PTPRT: variants seen among roughly 807,000 people sequenced by gnomAD.
PTPRT encodes the protein protein tyrosine phosphatase receptor type T.
A neutral mutation model predicts 176.8 loss-of-function variants in PTPRT; 56 were observed. That is an observed-to-expected ratio of 0.32 (90% CI 0.26 to 0.40). PTPRT has a LOEUF of 0.40. Among genes scored for constraint, PTPRT ranks in the 10% least tolerant of loss-of-function variants. PTPRT has a pLI of 1.00. For missense variants in PTPRT, 1,540 were observed against 1,908.2 expected (o/e 0.81, Z 3.60); for synonymous variants, 783 against 739.0 (o/e 1.06, Z -0.96).
chr20:43,016,100 T>A (rs958086126), intron 1 of PTPRT, among the ~76,000 whole-genome samples: 8 of 152,070 alleles, frequency 5.3e-5, no homozygotes, highest in Admixed American at 2.0e-4. Context: ...CCTGCCCCCT[T>A]CACTCATAGG....
rs533141928 is a variant in PTPRT at position 42,851,498 on chromosome 20, G to A, written c.214+34309C>T. Among the ~76,000 whole-genome samples the A allele has an allele frequency of 3.3e-5, 5 of 151,832 alleles. No homozygotes were observed. In the South Asian group the frequency reaches 1.0e-3, roughly 32 times the overall value. On this transcript the variant is annotated intron_variant, in intron 2 of 30. Transcript: ENST00000373187. ...TTATAATACCTCCCTGCCTACCTGG[G>A]GTATTCCTTTTACTCTCAAAAATGT...
At chr20:43,062,080 G>A (rs1174685208) in intron 1 of PTPRT, among the ~76,000 whole-genome samples, 1 of 152,194 alleles carries the variant, frequency 6.6e-6, no homozygotes, top group Non-Finnish European at 1.5e-5. Flanking sequence ...CTGGTTGCCT[G>A]GGGCTTAGGG....
chr20:42,086,262 G>A (rs555905429), intron 27 of PTPRT, among the ~76,000 whole-genome samples: 8 of 152,190 alleles, frequency 5.3e-5, no homozygotes, highest in African/African-American at 1.9e-4. Flanking sequence ...TTTTATGGCT[G>A]GAAGGACACA....
Position 42,128,778 on chromosome 20 carries a change from G to A in PTPRT, c.2823C>T (p.Asp941=). ...LLVLDGDPHS[D]YINANYIDGY... is the part of the protein sequence containing the mutation. ...CGTCAATGTAGTTGGCATTGATGTA[G>A]TCAGAGTGCGGGTCTCCATCCAGCA... Residue 941 remains aspartate, a synonymous_variant, in exon 19 of 31, where the codon GAC becomes GAT. Transcript: ENST00000373187. 2 of 1,606,250 alleles carry A rather than the reference G, an allele frequency of 1.2e-6. No individual in the cohort carries two copies. Among genetic ancestry groups the A allele is most frequent in the Non-Finnish European group, 1.7e-6 (2 of 1,175,590 alleles).
At chr20:42,156,499 C>A (rs1989361573) in intron 17 of PTPRT, among the ~76,000 whole-genome samples, 1 of 152,230 alleles carries the variant, frequency 6.6e-6, no homozygotes. Flanking sequence ...TTCTCTCCAG[C>A]CCAGGCTTCT....
intron 6 of PTPRT, among the ~76,000 whole-genome samples, chr20:42,698,022 C>A (rs971987122): frequency 6.6e-6 from 1 of 152,148 alleles, no homozygotes; most frequent in Non-Finnish European, 1.5e-5. Context: ...GATCTCTAAT[C>A]GTATCATTCC....
intron 1 of PTPRT, chr20:42,969,677 A>G (rs2146059534): frequency 6.6e-6 from 1 of 152,268 alleles, no homozygotes; most frequent in Non-Finnish European, 1.5e-5. Context: ...TTTGGTACAG[A>G]CTTATTTGGT....
At chr20:42,052,355 A>T in the PTPRT span, among the ~76,000 whole-genome samples, 3 of 152,242 alleles carry the variant, frequency 2.0e-5, no homozygotes, top group South Asian at 6.2e-4. Flanking sequence ...AGCTGCAGCC[A>T]CAGCCAGTCT....
intron 17 of PTPRT, among the ~76,000 whole-genome samples, chr20:42,160,660 C>G (rs1016306058): frequency 1.3e-5 from 2 of 152,186 alleles, no homozygotes; most frequent in Non-Finnish European, 2.9e-5. Context: ...ATAAGAAGAA[C>G]AACGTTGTAT....
rs2057752946 is a variant in PTPRT at position 42,318,510 on chromosome 20, C to G, written c.1866-2514G>C. ...GAGGGAAAGGGCAAACACAAAAGAGCTTCATGAAGCAGACAACCTCTTGGG... is the reference window on the plus strand; with the variant it reads ...GAGGGAAAGGGCAAACACAAAAGAGGTTCATGAAGCAGACAACCTCTTGGG... On this transcript the variant is annotated intron_variant, in intron 11 of 30. Transcript: ENST00000373187. Among the ~76,000 whole-genome samples, 5 of 152,160 alleles carry G rather than the reference C, an allele frequency of 3.3e-5. No homozygotes were observed. The South Asian group carries it at 1.0e-3, about 32-fold the overall frequency.
At position 42,649,477 on chromosome 20, in the gene PTPRT, C is replaced by T. The variant is rs146901269; in HGVS notation, c.1153+28389G>A. Among the ~76,000 whole-genome samples the T allele has an allele frequency of 4.6e-5, 7 of 152,242 alleles. No homozygotes were observed. The East Asian group carries it at 1.4e-3, about 29-fold the overall frequency. On this transcript the variant is annotated intron_variant, in intron 7 of 30. Coordinates refer to ENST00000373187, the MANE Select transcript of PTPRT (RefSeq NM_007050.6). The stretch of plus-strand genomic sequence containing the variant: ...GAACACTCATCTCTCTCTTTGCTCA[C>T]CTATAACTGGGGCAGTCTGATTTCA...
chr20:43,042,522 G>A (rs948948219), intron 1 of PTPRT, among the ~76,000 whole-genome samples: 1 of 148,774 alleles, frequency 6.7e-6, no homozygotes. Context: ...TGTTCCCACA[G>A]ATCTCTGCCT....
intron 15 of PTPRT, among the ~76,000 whole-genome samples, chr20:42,226,878 G>A: frequency 6.7e-6 from 1 of 149,164 alleles, no homozygotes; most frequent in African/African-American, 2.5e-5. Flanking sequence ...CTCAGGTCCA[G>A]CACAAGCACA....
rs62204941 is a variant in PTPRT at position 42,482,503 on chromosome 20, C to T, written c.1154-9941G>A. On this transcript the variant is annotated intron_variant, in intron 7 of 30. Transcript: ENST00000373187. ...TTGAGTTTCTACCATGTGCTGAGAA[C>T]TATACTGGATGTAGGAGTGAACCAA... Among the ~76,000 whole-genome samples, 1,193 of 152,280 alleles carry T rather than the reference C, an allele frequency of 7.8e-3. 11 individuals are homozygous for T. Among genetic ancestry groups the T allele is most frequent in the Middle Eastern group, 0.014 (4 of 294 alleles).
At chr20:43,049,641 A>G (rs1490351506) in intron 1 of PTPRT, among the ~76,000 whole-genome samples, 1 of 152,202 alleles carries the variant, frequency 6.6e-6, no homozygotes, top group East Asian at 1.9e-4. Context: ...TTTGTGTTTA[A>G]ACCCTAAATG....
chr20:42,841,275 C>G (rs1181207318), intron 2 of PTPRT, among the ~76,000 whole-genome samples: 1 of 152,212 alleles, frequency 6.6e-6, no homozygotes, highest in African/African-American at 2.4e-5. Flanking sequence ...CCTTGCTGTG[C>G]TATTACACAG....
At chr20:42,618,394 G>A (rs1600481640) in intron 7 of PTPRT, among the ~76,000 whole-genome samples, 4 of 135,860 alleles carry the variant, frequency 2.9e-5, no homozygotes. Flanking sequence ...GTGTGTTGTG[G>A]TGCTGAAAAA....
chr20:43,176,284 G>A (rs190915428), intron 1 of PTPRT, among the ~76,000 whole-genome samples: 111 of 151,812 alleles, frequency 7.3e-4, no homozygotes, highest in African/African-American at 2.2e-3. Context: ...GCAACAGAGC[G>A]AGACCCTGGG....
chr20:43,047,602 A>G (rs1264828183), intron 1 of PTPRT, among the ~76,000 whole-genome samples: 1 of 152,234 alleles, frequency 6.6e-6, no homozygotes, highest in Non-Finnish European at 1.5e-5. Context: ...AAAATAACTC[A>G]TATCACTCAT....
Sources: gnomAD v4.1 joint callset for allele counts (sites outside exome capture counted in the v4.1 genomes callset) on GRCh38, gnomAD v4.1.1 for gene constraint, MANE v1.5 for transcripts, NCBI Gene and HGNC (gene_info 2026-07-23, HGNC 2026-07-21) for gene names.